ANGPT1: variants seen among roughly 807,000 people sequenced by gnomAD.
ANGPT1 encodes angiopoietin 1, also known as angiopoietin-1.
ANGPT1 carries 17 observed loss-of-function variants against 62.2 expected under a neutral mutation model. That is an observed-to-expected ratio of 0.27 (90% confidence interval 0.19 to 0.41). The LOEUF (loss-of-function observed/expected upper bound fraction) is 0.41, where lower values mean the gene tolerates loss of function less well. Among genes scored for constraint, ANGPT1 ranks in the 10% least tolerant of loss-of-function variants. The pLI, the probability that ANGPT1 is intolerant of heterozygous loss-of-function variation, is 1.00. For missense variants in ANGPT1, 478 were observed against 594.9 expected (o/e 0.80, Z 2.04); for synonymous variants, 199 against 198.9 (o/e 1.00, Z 0.00).
intron 1 of ANGPT1, among the ~76,000 whole-genome samples, chr8:107,423,827 C>CTTTTTTTTTTTT (rs869079818): frequency 1.3e-4 from 10 of 74,478 alleles, no homozygotes; most frequent in African/African-American, 2.3e-4. Context: ...CTTTTCCTTT[C>CTTTTTTTTTTTT]TTTTTTTTTT....
At position 107,415,223 on chromosome 8, in the gene ANGPT1, G is replaced by A. The variant is rs1810707891; in HGVS notation, c.298-68126C>T. On this transcript the variant is annotated intron_variant, in intron 1 of 8. Transcript: ENST00000517746. ...TATTTGTGAACATGGCATACAGAAG[G>A]GGTTATGTCTAAGTGGAAGGATTTT... is the stretch of plus-strand genomic sequence containing the variant. 1.3e-5 allele frequency among the ~76,000 whole-genome samples: 2 copies of A among 152,068 alleles called. 1 individual carries two copies. The highest frequency in any genetic ancestry group is 4.1e-4 in the South Asian group (2 of 4,824).
intron 5 of ANGPT1, chr8:107,294,793 C>T (rs113947837): frequency 3.3e-5 from 5 of 152,238 alleles, no homozygotes; most frequent in Admixed American, 2.6e-4. Context: ...TGACTCATTT[C>T]CCCCAGGGTC....
intron 1 of ANGPT1, among the ~76,000 whole-genome samples, chr8:107,421,494 G>A (rs1186589467): frequency 6.6e-6 from 1 of 152,154 alleles, no homozygotes; most frequent in Non-Finnish European, 1.5e-5. Flanking sequence ...GTATCCCAAA[G>A]CTATGTTTTA....
intron 1 of ANGPT1, among the ~76,000 whole-genome samples, chr8:107,477,083 T>C (rs184688461): frequency 1.3e-5 from 2 of 152,304 alleles, no homozygotes; most frequent in Admixed American, 1.3e-4. Context: ...CTACTGTTTA[T>C]GCCTATGTCC....
intron 1 of ANGPT1, among the ~76,000 whole-genome samples, chr8:107,378,999 C>A (rs977059327): frequency 6.6e-6 from 1 of 151,160 alleles, no homozygotes; most frequent in African/African-American, 2.4e-5. Context: ...ACAGTCTATT[C>A]ATATTTTTCT....
chr8:107,377,163 G>T (rs1816545954), intron 1 of ANGPT1, among the ~76,000 whole-genome samples: 1 of 152,106 alleles, frequency 6.6e-6, no homozygotes, highest in Non-Finnish European at 1.5e-5. Context: ...ACACACTTTT[G>T]CAAGGGAACG....
intron 1 of ANGPT1, among the ~76,000 whole-genome samples, chr8:107,485,137 T>C (rs1479718919): frequency 1.3e-5 from 2 of 152,302 alleles, no homozygotes; most frequent in East Asian, 3.9e-4. Flanking sequence ...CCAAACAGCT[T>C]GAGCAATACA....
chr8:107,314,293 T>C (rs1814956247), intron 4 of ANGPT1, among the ~76,000 whole-genome samples: 1 of 152,210 alleles, frequency 6.6e-6, no homozygotes, highest in African/African-American at 2.4e-5. Flanking sequence ...AACCAGGAGA[T>C]ATCCCTTTTC....
intron 7 of ANGPT1, among the ~76,000 whole-genome samples, chr8:107,264,696 T>C (rs749992250): frequency 1.3e-5 from 2 of 152,196 alleles, no homozygotes; most frequent in Non-Finnish European, 2.9e-5. Context: ...CATTAATATC[T>C]AATAGTGCAG....
chr8:107,427,751 A>G (rs1586313531), intron 1 of ANGPT1, among the ~76,000 whole-genome samples: 1 of 152,212 alleles, frequency 6.6e-6, no homozygotes, highest in East Asian at 1.9e-4. Flanking sequence ...TCCCCAGGTA[A>G]GACCTGGGTA....
At chr8:107,412,496 T>A (rs1313646021) in intron 1 of ANGPT1, among the ~76,000 whole-genome samples, 3 of 152,086 alleles carry the variant, frequency 2.0e-5, no homozygotes, top group Non-Finnish European at 4.4e-5. Flanking sequence ...CTGATTCTGA[T>A]AGTATATGTA....
chr8:107,477,475 A>G (rs892092465), intron 1 of ANGPT1, among the ~76,000 whole-genome samples: 2 of 152,286 alleles, frequency 1.3e-5, no homozygotes, highest in Non-Finnish European at 2.9e-5. Flanking sequence ...CATTCTGAGG[A>G]TACCATGGGT....
At position 107,336,101 on chromosome 8, in the gene ANGPT1, A is replaced by G. The variant is rs531409628; in HGVS notation, c.575+49T>C. 6 of 1,535,232 alleles carry G rather than the reference A, an allele frequency of 3.9e-6. No homozygotes were observed. In the East Asian group the frequency reaches 1.4e-4, roughly 36 times the overall value. On this transcript the variant is annotated intron_variant, in intron 3 of 8. Transcript: ENST00000517746. ...TTAAGAGTTGGCAGAGAGGTGAAGG[A>G]TATAAATAAGTACACACAGAAACAT...
intron 1 of ANGPT1, among the ~76,000 whole-genome samples, chr8:107,379,320 A>C (rs1816590866): frequency 6.6e-6 from 1 of 152,148 alleles, no homozygotes; most frequent in South Asian, 2.1e-4. Context: ...TTCTAGGAGA[A>C]AGTCATCACG....
intron 1 of ANGPT1, among the ~76,000 whole-genome samples, chr8:107,361,804 A>T (rs937721225): frequency 1.3e-5 from 2 of 152,064 alleles, no homozygotes; most frequent in Non-Finnish European, 2.9e-5. Flanking sequence ...CATACCTGTA[A>T]TCCCAGCATT....
intron 1 of ANGPT1, among the ~76,000 whole-genome samples, chr8:107,376,923 A>G (rs1357204800): frequency 6.6e-6 from 1 of 152,140 alleles, no homozygotes; most frequent in Non-Finnish European, 1.5e-5. Context: ...TTTGAAGCAA[A>G]TATTCTCTTA....
At chr8:107,469,637 A>G (rs2130494412) in intron 1 of ANGPT1, among the ~76,000 whole-genome samples, 1 of 152,140 alleles carries the variant, frequency 6.6e-6, no homozygotes, top group South Asian at 2.1e-4. Flanking sequence ...ATCATTAATT[A>G]TGTCATCTTT....
Position 107,454,117 on chromosome 8 carries a change from T to G in ANGPT1, c.297+43145A>C, listed in dbSNP as rs569810411. On this transcript the variant is annotated intron_variant, in intron 1 of 8. Transcript: ENST00000517746. ...GCCTAAAGTCCTACCTATTTTCATG[T>G]TCCTTCTGGTTTTTGCTTCACGGGT... Among the ~76,000 whole-genome samples the G allele has an allele frequency of 6.6e-5, 10 of 152,202 alleles. No individual in the cohort carries two copies. The East Asian group carries it at 1.7e-3, about 26-fold the overall frequency.
chr8:107,299,228 T>C (rs1814493555), intron 5 of ANGPT1, among the ~76,000 whole-genome samples: 2 of 151,216 alleles, frequency 1.3e-5, no homozygotes, highest in African/African-American at 2.4e-5. Flanking sequence ...TGATCCTGCT[T>C]AATCCTCTGA....
Sources: allele counts gnomAD v4.1 joint callset (sites outside exome capture counted in the v4.1 genomes callset), GRCh38; gene constraint gnomAD v4.1.1; transcripts MANE v1.5; gene names NCBI Gene and HGNC (gene_info 2026-07-23, HGNC 2026-07-21).